The following LHFPL3 variants were observed in gnomAD, a reference collection of about 807,000 sequenced individuals.
LHFPL3 encodes LHFPL tetraspan subfamily member 3, also known as LHFPL tetraspan subfamily member 3 protein.
LHFPL3 carries 5 observed loss-of-function variants against 19.3 expected under a neutral mutation model. That is an observed-to-expected ratio of 0.26 (90% CI 0.14 to 0.54). The LOEUF (loss-of-function observed/expected upper bound fraction) is 0.54, where lower values mean the gene tolerates loss of function less well. Ranked by LOEUF, LHFPL3 falls within the 20% of genes least tolerant of loss-of-function variation. The pLI is 0.94. For missense variants in LHFPL3, 249 were observed against 307.4 expected, an observed-to-expected ratio of 0.81 and a Z score of 1.42; for synonymous variants, 133 against 126.2, an observed-to-expected ratio of 1.05 and a Z score of -0.36.
chr7:104,560,527 T>A (rs1254926572), intron 1 of LHFPL3, among the ~76,000 whole-genome samples: 150 of 149,548 alleles, frequency 1.0e-3, no homozygotes, highest in Admixed American at 3.1e-3. Flanking sequence ...GGTGGTGATA[T>A]CCCCTTTATC....
At chr7:104,822,265 T>G (rs1790689764) in intron 2 of LHFPL3, among the ~76,000 whole-genome samples, 1 of 152,232 alleles carries the variant, frequency 6.6e-6, no homozygotes, top group African/African-American at 2.4e-5. Context: ...TCATGGTATT[T>G]TGTAATACAA....
chr7:104,423,708 C>T (rs555187282), intron 1 of LHFPL3, among the ~76,000 whole-genome samples: 1 of 151,846 alleles, frequency 6.6e-6, no homozygotes, highest in Admixed American at 6.6e-5. Flanking sequence ...TCAGGAAAGC[C>T]TCCTCCAGAC....
At chr7:104,336,559 A>G (rs892136637) in intron 1 of LHFPL3, among the ~76,000 whole-genome samples, 17 of 151,890 alleles carry the variant, frequency 1.1e-4, no homozygotes, top group African/African-American at 4.1e-4. Context: ...TAGTTTTTCG[A>G]CCAATGTAGA....
At position 104,863,730 on chromosome 7, in the gene LHFPL3, G is replaced by A. The variant is rs534509600; in HGVS notation, c.683-42457G>A. Among the ~76,000 whole-genome samples, 59 of 152,322 alleles carry A rather than the reference G, an allele frequency of 3.9e-4. 1 individual carries two copies. Among genetic ancestry groups the A allele is most frequent in the Non-Finnish European group, 6.6e-4 (45 of 68,028 alleles). ...GACATCAGGTAACTGACTCAGCCTTGCACAGTGAGTCACTGGCTGGGCCAG... is the reference window on the plus strand; with the variant it reads ...GACATCAGGTAACTGACTCAGCCTTACACAGTGAGTCACTGGCTGGGCCAG... On this transcript the variant is annotated intron_variant, in intron 2 of 2. Transcript: ENST00000424859.
chr7:104,456,966 C>G (rs1792553947), intron 1 of LHFPL3, among the ~76,000 whole-genome samples: 2 of 152,116 alleles, frequency 1.3e-5, no homozygotes, highest in South Asian at 4.2e-4. Flanking sequence ...CCACAGAAAA[C>G]AAAATTATGG....
At chr7:104,654,763 T>A (rs1380051727) in intron 1 of LHFPL3, among the ~76,000 whole-genome samples, 2 of 152,126 alleles carry the variant, frequency 1.3e-5, no homozygotes, top group Non-Finnish European at 2.9e-5. Context: ...CTGAGCAGTA[T>A]GATTTTTTTC....
intron 1 of LHFPL3, among the ~76,000 whole-genome samples, chr7:104,616,132 A>T: frequency 6.6e-6 from 1 of 152,178 alleles, no homozygotes; most frequent in Non-Finnish European, 1.5e-5. Flanking sequence ...AATTAGAAAA[A>T]ACTATTTTAA....
In LHFPL3 at chr7:104,328,835, A is replaced by C. The variant is rs1358421268; in HGVS notation, c.56A>C (p.Gln19Pro). ...GCCGCCGCCGCGATGCTCCCGGCTC[A>C]GGAGGCTGCCAAGCTGTACCACACC... ...AAAAAAMLPA[Q>P]EAAKLYHTNY... The change falls in exon 1 of 3, where the codon CAG (glutamine) becomes CCG (proline). Residue 19 changes from glutamine (Q) to proline (P), a missense_variant. Coordinates refer to ENST00000424859, the MANE Select transcript of LHFPL3 (RefSeq NM_199000.3). The surrounding 1 kb of genome is among the most constrained non-coding windows in gnomAD (Gnocchi z 4.6). The C allele has an allele frequency of 6.2e-7, 1 of 1,613,678 alleles. No homozygotes were observed.
intron 1 of LHFPL3, among the ~76,000 whole-genome samples, chr7:104,569,485 G>A (rs974829378): frequency 2.0e-5 from 3 of 151,930 alleles, no homozygotes; most frequent in Non-Finnish European, 2.9e-5. Flanking sequence ...TGGGGGGAGG[G>A]GTAAAAATAA....
At chr7:104,518,096 TG>T (rs1275436300) in intron 1 of LHFPL3, among the ~76,000 whole-genome samples, 1 of 152,160 alleles carries the variant, frequency 6.6e-6, no homozygotes, top group Non-Finnish European at 1.5e-5. Context: ...TAGGCTTACA[TG>T]AATTAGATCA....
chr7:104,428,152 A>G (rs1791884369), intron 1 of LHFPL3, among the ~76,000 whole-genome samples: 1 of 152,194 alleles, frequency 6.6e-6, no homozygotes, highest in South Asian at 2.1e-4. Flanking sequence ...GCCTAATAAC[A>G]TCCTAAGTGC....
At chr7:104,459,532 A>C (rs377115183) in intron 1 of LHFPL3, among the ~76,000 whole-genome samples, 2 of 152,178 alleles carry the variant, frequency 1.3e-5, no homozygotes, top group African/African-American at 4.8e-5. Flanking sequence ...TTAATCTGCT[A>C]TGGGGGATGT....
At chr7:104,615,513 T>C (rs1001639294) in intron 1 of LHFPL3, among the ~76,000 whole-genome samples, 1 of 152,202 alleles carries the variant, frequency 6.6e-6, no homozygotes, top group Non-Finnish European at 1.5e-5. Context: ...TTCTCCTAAA[T>C]TCGGTGATTC....
intron 1 of LHFPL3, among the ~76,000 whole-genome samples, chr7:104,372,749 G>A (rs575713375): frequency 6.6e-5 from 10 of 152,206 alleles, no homozygotes; most frequent in East Asian, 1.9e-4. Flanking sequence ...AAGAGATGTC[G>A]TTATAAATAT....
intron 1 of LHFPL3, among the ~76,000 whole-genome samples, chr7:104,576,820 A>G (rs10266072): frequency 0.36 from 55,208 of 151,946 alleles, 11,444 homozygotes; most frequent in African/African-American, 0.58. Context: ...AAAGGAAAGT[A>G]TTACCGCCCA....
intron 1 of LHFPL3, among the ~76,000 whole-genome samples, chr7:104,394,827 A>G (rs931322486): frequency 1.3e-5 from 2 of 151,858 alleles, no homozygotes; most frequent in South Asian, 4.2e-4. Context: ...CAGCCTCCCG[A>G]GTAGCTGGGA....
At chr7:104,528,289 A>G (rs1794228748) in intron 1 of LHFPL3, among the ~76,000 whole-genome samples, 1 of 152,228 alleles carries the variant, frequency 6.6e-6, no homozygotes, top group Admixed American at 6.5e-5. Context: ...AATACACACA[A>G]AAATAAAAGG....
chr7:104,521,530 T>G (rs1794063469), intron 1 of LHFPL3, among the ~76,000 whole-genome samples: 1 of 151,816 alleles, frequency 6.6e-6, no homozygotes, highest in South Asian at 2.1e-4. Context: ...AAGACAAAAT[T>G]GACAAATGGG....
At chr7:104,661,139 C>T (rs994364476) in intron 1 of LHFPL3, among the ~76,000 whole-genome samples, 6 of 152,008 alleles carry the variant, frequency 3.9e-5, no homozygotes, top group African/African-American at 1.5e-4. Context: ...ATCTCTGGAC[C>T]CAGAGCACAG....
Sources: allele counts gnomAD v4.1 joint callset (sites outside exome capture counted in the v4.1 genomes callset), GRCh38; gene constraint gnomAD v4.1.1; non-coding constraint Gnocchi (gnomAD v3.1); transcripts MANE v1.5; gene names NCBI Gene and HGNC (gene_info 2026-07-23, HGNC 2026-07-21).